Variants in DLG2 observed in about 807,000 individuals in gnomAD.
The protein encoded by DLG2 is discs large MAGUK scaffold protein 2.
A neutral mutation model predicts 132.5 loss-of-function variants in DLG2; 45 were observed. That is an observed-to-expected ratio of 0.34 (90% confidence interval 0.27 to 0.44). The LOEUF is 0.44. Among genes scored for constraint, DLG2 ranks in the 20% least tolerant of loss-of-function variants. The pLI is 1.00. For missense variants in DLG2, 1,045 were observed against 1,196.9 expected, an observed-to-expected ratio of 0.87 and a Z score of 1.87; for synonymous variants, 424 against 419.6, an observed-to-expected ratio of 1.01 and a Z score of -0.13.
At chr11:85,500,306 C>T (rs1000006833) in intron 3 of DLG2, among the ~76,000 whole-genome samples, 5 of 147,574 alleles carry the variant, frequency 3.4e-5, no homozygotes, top group African/African-American at 1.3e-4. Context: ...AAACCAAACA[C>T]CGCATATTCT....
intron 7 of DLG2, among the ~76,000 whole-genome samples, chr11:84,526,058 T>C (rs765731348): frequency 6.6e-6 from 1 of 152,168 alleles, no homozygotes; most frequent in Non-Finnish European, 1.5e-5. Flanking sequence ...TTTCACACTT[T>C]CTTTATTGTA....
intron 3 of DLG2, among the ~76,000 whole-genome samples, chr11:85,406,636 C>A (rs143343797): frequency 7.8e-4 from 119 of 151,948 alleles, no homozygotes; most frequent in African/African-American, 1.6e-3. Flanking sequence ...TAAAGAATTT[C>A]TCTTCCTCTG....
intron 3 of DLG2, among the ~76,000 whole-genome samples, chr11:85,496,961 A>C (rs2093681532): frequency 1.3e-5 from 2 of 152,162 alleles, no homozygotes; most frequent in Non-Finnish European, 2.9e-5. Flanking sequence ...TAAAACCACA[A>C]AGACGGGGAG....
chr11:84,641,600 C>A (rs892062220), intron 6 of DLG2, among the ~76,000 whole-genome samples: 5 of 152,090 alleles, frequency 3.3e-5, no homozygotes, highest in African/African-American at 1.2e-4. Context: ...ACCTATCTCT[C>A]CCTATATGCT....
chr11:84,218,645 CCTGGG>C (rs2096872933), intron 8 of DLG2, among the ~76,000 whole-genome samples: 2 of 152,142 alleles, frequency 1.3e-5, no homozygotes, highest in East Asian at 3.8e-4. Context: ...ATGAAAGGAT[CCTGGG>C]TCACTGTGTG....
At chr11:84,210,221 T>G (rs1311438838) in intron 8 of DLG2, among the ~76,000 whole-genome samples, 1 of 151,816 alleles carries the variant, frequency 6.6e-6, no homozygotes, top group East Asian at 1.9e-4. Flanking sequence ...AGGTGGAGGT[T>G]ACAGTAAGCC....
At chr11:84,851,050 A>T (rs900143439) in intron 6 of DLG2, among the ~76,000 whole-genome samples, 3 of 152,150 alleles carry the variant, frequency 2.0e-5, no homozygotes, top group Admixed American at 1.3e-4. Context: ...TCAAATTAAT[A>T]GGAATAAGTG....
rs76339787 is a variant in DLG2, at chr11:84,405,548, T to C, written c.519+129022A>G. Among the ~76,000 whole-genome samples, 548 of 152,318 alleles carry C rather than the reference T, an allele frequency of 3.6e-3. 3 individuals carry two copies. The highest frequency in any genetic ancestry group is 0.012 in the African/African-American group (512 of 41,566). ...TTGATTTCATACATTCCATATTTAA[T>C]ATCTAACCTATTGAAAGCCAGAAAT... On this transcript the variant is annotated intron_variant, in intron 7 of 27. Transcript: ENST00000376104.
chr11:85,267,199 T>C (rs2077267078), intron 4 of DLG2, among the ~76,000 whole-genome samples: 1 of 152,226 alleles, frequency 6.6e-6, no homozygotes, highest in African/African-American at 2.4e-5. Context: ...GAGGACTTAC[T>C]TTCTCCCGCT....
chr11:83,789,529 C>T (rs2040929110), intron 17 of DLG2, among the ~76,000 whole-genome samples: 1 of 142,104 alleles, frequency 7.0e-6, no homozygotes, highest in African/African-American at 2.8e-5. Flanking sequence ...GACACTTCCC[C>T]ACCCCTAAAC....
chr11:84,453,265 G>A (rs2099056573), intron 7 of DLG2, among the ~76,000 whole-genome samples: 1 of 151,586 alleles, frequency 6.6e-6, no homozygotes, highest in Non-Finnish European at 1.5e-5. Flanking sequence ...TAAAGATCAA[G>A]TCCTTGAGCA....
At chr11:85,225,718 C>T (rs1361319089) in intron 4 of DLG2, among the ~76,000 whole-genome samples, 1 of 151,980 alleles carries the variant, frequency 6.6e-6, no homozygotes, top group African/African-American at 2.4e-5. Flanking sequence ...CCAATGTTGA[C>T]TTGGGGCAGA....
chr11:83,647,181 T>C (rs1303388643), intron 18 of DLG2: 1 of 151,874 alleles, frequency 6.6e-6, no homozygotes, highest in Non-Finnish European at 1.5e-5. Flanking sequence ...GCCAAGTCAG[T>C]TTCCCCAGAG....
chr11:84,472,865 T>C (rs1033867477), intron 7 of DLG2, among the ~76,000 whole-genome samples: 1 of 152,086 alleles, frequency 6.6e-6, no homozygotes, highest in Non-Finnish European at 1.5e-5. Context: ...GATTATCACT[T>C]AATTTTTTCA....
chr11:84,816,923 T>C (rs181066889), intron 6 of DLG2, among the ~76,000 whole-genome samples: 91 of 152,156 alleles, frequency 6.0e-4, no homozygotes, highest in African/African-American at 2.1e-3. Flanking sequence ...CTTTGCCAAG[T>C]CATCTAACCT....
chr11:85,421,307 G>A (rs1459290103), intron 3 of DLG2, among the ~76,000 whole-genome samples: 1 of 151,876 alleles, frequency 6.6e-6, no homozygotes, highest in Non-Finnish European at 1.5e-5. Flanking sequence ...GAGATGAGCT[G>A]GGTACCTCAG....
intron 11 of DLG2, among the ~76,000 whole-genome samples, chr11:84,014,402 T>A (rs986359619): frequency 3.3e-5 from 5 of 152,182 alleles, no homozygotes; most frequent in African/African-American, 1.2e-4. Context: ...TCACAAAAAA[T>A]GGTTGAGACC....
chr11:85,265,066 G>T (rs149659725), intron 4 of DLG2, among the ~76,000 whole-genome samples: 1 of 152,168 alleles, frequency 6.6e-6, no homozygotes, highest in Non-Finnish European at 1.5e-5. Context: ...TACTCCTTCA[G>T]CTATAAACTC....
At chr11:84,682,581 G>A (rs953929520) in intron 6 of DLG2, among the ~76,000 whole-genome samples, 2 of 152,144 alleles carry the variant, frequency 1.3e-5, no homozygotes. Flanking sequence ...TAGAGCTGAA[G>A]GCTAACAGCT....
Sources: gnomAD v4.1 joint callset for allele counts (sites outside exome capture counted in the v4.1 genomes callset) on GRCh38, gnomAD v4.1.1 for gene constraint, MANE v1.5 for transcripts, NCBI Gene and HGNC (gene_info 2026-07-23, HGNC 2026-07-21) for gene names.